The following IPMK variants were observed in gnomAD, a reference collection of about 807,000 sequenced individuals.
IPMK encodes the protein inositol 1,3,4,6-tetrakisphosphate 5-kinase.
In IPMK, 17 loss-of-function variants were observed where a neutral mutation model predicts 45.8. That is an observed-to-expected ratio of 0.37 (90% CI 0.25 to 0.56). The LOEUF (loss-of-function observed/expected upper bound fraction) is 0.56, where lower values mean the gene tolerates loss of function less well. Among genes scored for constraint, IPMK ranks in the 20% least tolerant of loss-of-function variants. IPMK has a pLI of 0.79. For synonymous variants in IPMK, 180 were observed against 184.3 expected, an observed-to-expected ratio of 0.98 and a Z score of 0.19; for missense variants, 399 against 498.0, an observed-to-expected ratio of 0.80 and a Z score of 1.89.
intron 1 of IPMK, among the ~76,000 whole-genome samples, chr10:58,243,163 T>C (rs1838721357): frequency 6.6e-6 from 1 of 152,120 alleles, no homozygotes; most frequent in South Asian, 2.1e-4. Context: ...GGCACACCCA[T>C]GTTGATTATA....
At chr10:58,238,072 T>C (rs1442738096) in intron 1 of IPMK, among the ~76,000 whole-genome samples, 1 of 152,202 alleles carries the variant, frequency 6.6e-6, no homozygotes, top group Non-Finnish European at 1.5e-5. Context: ...GGCTTTATAA[T>C]ACATAAAACA....
intron 3 of IPMK, among the ~76,000 whole-genome samples, chr10:58,217,393 T>C (rs1024667574): frequency 6.6e-6 from 1 of 151,672 alleles, no homozygotes; most frequent in Non-Finnish European, 1.5e-5. Context: ...TTTCCTGGGT[T>C]AAAGAACCGT....
intron 2 of IPMK, among the ~76,000 whole-genome samples, chr10:58,236,472 A>T (rs1838614678): frequency 6.6e-6 from 1 of 152,232 alleles, no homozygotes; most frequent in African/African-American, 2.4e-5. Context: ...TCAGAAATGA[A>T]AGGTGATGAT....
chr10:58,204,827 C>G (rs945275609), intron 4 of IPMK, among the ~76,000 whole-genome samples: 4 of 151,988 alleles, frequency 2.6e-5, no homozygotes, highest in Non-Finnish European at 4.4e-5. Flanking sequence ...TAAAAAAGAA[C>G]AAAATTGGAG....
At chr10:58,200,273 T>C (rs1159763254) in intron 4 of IPMK, among the ~76,000 whole-genome samples, 1 of 151,872 alleles carries the variant, frequency 6.6e-6, no homozygotes, top group Admixed American at 6.6e-5. Context: ...TGCGTGACAA[T>C]ACAGCCAGGT....
At chr10:58,225,020 A>C (rs540901448) in intron 3 of IPMK, among the ~76,000 whole-genome samples, 1 of 152,334 alleles carries the variant, frequency 6.6e-6, no homozygotes, top group East Asian at 1.9e-4. Context: ...CTTCTTCCAG[A>C]GCTAACAAAG....
chr10:58,257,387 C>T (rs528565405), intron 1 of IPMK, among the ~76,000 whole-genome samples: 4 of 152,126 alleles, frequency 2.6e-5, no homozygotes, highest in Admixed American at 1.3e-4. Flanking sequence ...CCCAGCCACT[C>T]GGGAGGCTGA....
At chr10:58,251,690 T>C (rs920763371) in intron 1 of IPMK, among the ~76,000 whole-genome samples, 3 of 152,204 alleles carry the variant, frequency 2.0e-5, no homozygotes, top group Non-Finnish European at 4.4e-5. Context: ...TTACAATTGT[T>C]ATATCCTCTT....
Position 58,267,720 on chromosome 10 carries a change from G to C in IPMK, c.-109C>G. On this transcript the variant is annotated 5_prime_UTR_variant, in exon 1 of 6. Transcript: ENST00000373935. ...CTCAGGCTCGGGCGCGAGGAGGCCC[G>C]GGGGTTCCCGCGGCTGGTGCCCTCT... 2.9e-6 allele frequency: 2 copies of C among 680,140 alleles called. No individual in the cohort carries two copies. Among genetic ancestry groups the C allele is most frequent in the Middle Eastern group, 4.1e-4 (1 of 2,468 alleles). 42.1% of individuals were successfully genotyped at this position (680,140 alleles called of 1,614,324 possible). A position where few individuals can be genotyped will look rare whatever the true frequency, so the allele number is the denominator to read the frequency against.
chr10:58,252,611 CTTTTTT>C (rs113777957), intron 1 of IPMK, among the ~76,000 whole-genome samples: 4 of 111,256 alleles, frequency 3.6e-5, no homozygotes, highest in African/African-American at 1.5e-4. Flanking sequence ...GTTTTCTTTT[CTTTTTT>C]TTTTTTTTTT....
Position 58,222,271 on chromosome 10 carries a change from G to C in IPMK, c.373+4772C>G, listed in dbSNP as rs1252129627. Among the ~76,000 whole-genome samples, 3 of 152,142 alleles carry C rather than the reference G, an allele frequency of 2.0e-5. No individual in the cohort carries two copies. The East Asian group carries it at 5.8e-4, about 29-fold the overall frequency. On this transcript the variant is annotated intron_variant, in intron 3 of 5. Transcript: ENST00000373935. ...TTAGGCTATATTAATATGATGATTG[G>C]AAAATATCTTGTAAAATAATTATGA...
intron 2 of IPMK, among the ~76,000 whole-genome samples, chr10:58,234,150 T>C (rs191353202): frequency 1.3e-5 from 2 of 152,020 alleles, no homozygotes; most frequent in African/African-American, 4.8e-5. Flanking sequence ...AAACCACCGC[T>C]CAACAAAATA....
Position 58,192,020 on chromosome 10 carries a change from A to C in IPMK, c.*4056T>G, listed in dbSNP as rs1020505422. The C allele has an allele frequency of 6.6e-6, 1 of 152,038 alleles. No homozygotes were observed. Among genetic ancestry groups the C allele is most frequent in the African/African-American group, 2.4e-5 (1 of 41,414 alleles). The allele number at this position is 152,038 out of a possible 1,614,324, so 9.4% of individuals were successfully genotyped here. ...TGATGACAAAATCTAAAATTAAAGAAAAGTCTTAAAAGCCTATAGTGACTT... is the reference window on the plus strand; with the variant it reads ...TGATGACAAAATCTAAAATTAAAGACAAGTCTTAAAAGCCTATAGTGACTT... On this transcript the variant is annotated 3_prime_UTR_variant, in exon 6 of 6. Transcript: ENST00000373935.
chr10:58,222,262 T>C (rs1203221580), intron 3 of IPMK, among the ~76,000 whole-genome samples: 1 of 152,192 alleles, frequency 6.6e-6, no homozygotes, highest in Non-Finnish European at 1.5e-5. Flanking sequence ...TATATTAATA[T>C]GATGATTGGA....
At chr10:58,236,943 G>A (rs1467327731) in intron 2 of IPMK, among the ~76,000 whole-genome samples, 3 of 152,146 alleles carry the variant, frequency 2.0e-5, no homozygotes, top group East Asian at 3.9e-4. Context: ...CGTGGCACAC[G>A]CCTGTAGTTT....
chr10:58,259,777 T>C (rs1360179401), intron 1 of IPMK, among the ~76,000 whole-genome samples: 6 of 151,110 alleles, frequency 4.0e-5, no homozygotes, highest in Non-Finnish European at 2.9e-5. Context: ...GAGGCGGAGG[T>C]TGCAGTGAGC....
intron 5 of IPMK, 58 bp from the exon 6 acceptor site, chr10:58,196,756 A>G: frequency 8.6e-7 from 1 of 1,165,478 alleles, no homozygotes; most frequent in Non-Finnish European, 1.2e-6. Flanking sequence ...ATTATTTGGG[A>G]AGTAAACTCA....
At chr10:58,199,412 A>C (rs1015432796) in intron 4 of IPMK, 91 bp from the exon 5 acceptor site, 4 of 707,672 alleles carry the variant, frequency 5.7e-6, no homozygotes, top group Non-Finnish European at 8.9e-6. Context: ...GATGAAATCT[A>C]CTCAGGTAAT....
chr10:58,235,869 A>AT (rs1838604504), intron 2 of IPMK, among the ~76,000 whole-genome samples: 1 of 152,132 alleles, frequency 6.6e-6, no homozygotes, highest in Non-Finnish European at 1.5e-5. Context: ...TGTTGTGACA[A>AT]ATTTATAGGT....
Sources: allele counts gnomAD v4.1 joint callset (sites outside exome capture counted in the v4.1 genomes callset), GRCh38; gene constraint gnomAD v4.1.1; transcripts MANE v1.5; gene names NCBI Gene and HGNC (gene_info 2026-07-23, HGNC 2026-07-21).